The following SRPK2 variants were observed in gnomAD, a reference collection of about 807,000 sequenced individuals.
The protein encoded by SRPK2 is SFRS protein kinase 2.
SRPK2 carries 21 observed loss-of-function variants against 90.8 expected under a neutral mutation model. That is an observed-to-expected ratio of 0.23 (90% CI 0.16 to 0.33). The LOEUF is 0.33. Ranked by LOEUF, SRPK2 falls within the 10% of genes least tolerant of loss-of-function variation. The pLI, the probability that SRPK2 is intolerant of heterozygous loss-of-function variation, is 1.00. For missense variants in SRPK2, 620 were observed against 869.0 expected, an observed-to-expected ratio of 0.71 and a Z score of 3.60; for synonymous variants, 288 against 311.1, an observed-to-expected ratio of 0.93 and a Z score of 0.78.
intron 2 of SRPK2, among the ~76,000 whole-genome samples, chr7:105,350,811 T>C (rs1460540735): frequency 6.6e-6 from 1 of 152,136 alleles, no homozygotes. Context: ...ATTTTACAAA[T>C]GAGAAAACTG....
upstream of SRPK2, among the ~76,000 whole-genome samples, chr7:105,389,664 A>T (rs1822092203): frequency 6.6e-6 from 1 of 152,242 alleles, no homozygotes; most frequent in South Asian, 2.1e-4. Context: ...GAGGAAACTG[A>T]GTCCCAACGA....
intron 15 of SRPK2, among the ~76,000 whole-genome samples, chr7:105,125,038 G>A (rs1800976508): frequency 6.7e-6 from 1 of 148,890 alleles, no homozygotes; most frequent in Admixed American, 6.8e-5. Context: ...GCTGCGGCAG[G>A]AGAATTGCTT....
At chr7:105,358,146 C>A (rs1411629597) in intron 2 of SRPK2, among the ~76,000 whole-genome samples, 3 of 151,262 alleles carry the variant, frequency 2.0e-5, no homozygotes, top group Non-Finnish European at 4.4e-5. Context: ...ATCGCTTGAA[C>A]CCGGGAGGCG....
intron 15 of SRPK2, among the ~76,000 whole-genome samples, chr7:105,122,802 TAC>T (rs764278028): frequency 2.6e-5 from 4 of 151,888 alleles, no homozygotes; most frequent in African/African-American, 4.8e-5. Context: ...CACACACACA[TAC>T]ACACACGCGC....
At chr7:105,392,140 A>G (rs183760073), upstream of SRPK2, among the ~76,000 whole-genome samples, 1 of 152,356 alleles carries the variant, frequency 6.6e-6, no homozygotes, top group Non-Finnish European at 1.5e-5. Context: ...TATATGAGAT[A>G]TCCAGAATAG....
At chr7:105,319,946 C>T (rs533398094) in intron 2 of SRPK2, among the ~76,000 whole-genome samples, 6 of 151,704 alleles carry the variant, frequency 4.0e-5, no homozygotes, top group East Asian at 1.9e-4. Context: ...TGGGGCTGCC[C>T]GACTCGCGAA....
chr7:105,188,590 TG>T (rs1274968204), intron 3 of SRPK2, among the ~76,000 whole-genome samples: 1 of 152,224 alleles, frequency 6.6e-6, no homozygotes, highest in African/African-American at 2.4e-5. Flanking sequence ...CAACAAAATC[TG>T]GAACTCCATT....
At chr7:105,256,231 TGCTATA>T (rs2129633474) in intron 2 of SRPK2, among the ~76,000 whole-genome samples, 1 of 152,342 alleles carries the variant, frequency 6.6e-6, no homozygotes, top group South Asian at 2.1e-4. Flanking sequence ...AGAATCAATG[TGCTATA>T]GCACAGAAGA....
intron 15 of SRPK2, among the ~76,000 whole-genome samples, chr7:105,124,335 G>A (rs1412800036): frequency 6.6e-6 from 1 of 152,116 alleles, no homozygotes; most frequent in Non-Finnish European, 1.5e-5. Context: ...ACAGACAGAC[G>A]ATTAACAAAG....
At chr7:105,228,596 G>A (rs763293462) in intron 2 of SRPK2, among the ~76,000 whole-genome samples, 1 of 152,140 alleles carries the variant, frequency 6.6e-6, no homozygotes, top group Non-Finnish European at 1.5e-5. Context: ...ACACACCACC[G>A]TCCGCAGACA....
At chr7:105,313,744 CTG>C (rs756237895) in intron 2 of SRPK2, among the ~76,000 whole-genome samples, 1 of 151,958 alleles carries the variant, frequency 6.6e-6, no homozygotes, top group East Asian at 1.9e-4. Context: ...GAGCGAGACT[CTG>C]TCTCAAAAAA....
At chr7:105,296,924 G>A (rs1170573989) in intron 2 of SRPK2, among the ~76,000 whole-genome samples, 4 of 152,164 alleles carry the variant, frequency 2.6e-5, no homozygotes, top group African/African-American at 9.7e-5. Context: ...GGTAAAGCTG[G>A]AAAACAAATC....
At chr7:105,274,122 T>C (rs1444005075) in intron 2 of SRPK2, among the ~76,000 whole-genome samples, 4 of 152,182 alleles carry the variant, frequency 2.6e-5, no homozygotes, top group Non-Finnish European at 4.4e-5. Flanking sequence ...AATAGTCCCA[T>C]AGGCTGTTCT....
chr7:105,124,780 A>G (rs1295241295), intron 15 of SRPK2, among the ~76,000 whole-genome samples: 1 of 151,896 alleles, frequency 6.6e-6, no homozygotes, highest in East Asian at 1.9e-4. Flanking sequence ...AAGGGCTGTC[A>G]CATCCAAAAA....
At chr7:105,358,165 A>G (rs1202492845) in intron 2 of SRPK2, among the ~76,000 whole-genome samples, 1 of 139,248 alleles carries the variant, frequency 7.2e-6, no homozygotes, top group African/African-American at 2.6e-5. Flanking sequence ...CGAAGGTTGC[A>G]GTGAGACGAG....
rs34445430 is a variant in SRPK2, at chr7:105,375,983, C to CTTTTTTTTTTTTTT, written c.71+12651_71+12664dup. 3.2e-5 allele frequency among the ~76,000 whole-genome samples: 2 copies of CTTTTTTTTTTTTTT among 63,144 alleles called. 1 individual carries two copies. Among genetic ancestry groups the CTTTTTTTTTTTTTT allele is most frequent in the Non-Finnish European group, 5.6e-5 (2 of 35,854 alleles). 41.4% of individuals were successfully genotyped at this position (63,144 alleles called of 152,430 possible). On this transcript the variant is annotated intron_variant, in intron 2 of 15. Transcript: ENST00000393651. ...TGGGCAACGTAATGAGAATTCATTTCTTTTTTTTTTTTTTTTTTTTTTTTT... is the reference window on the plus strand; with the variant it reads ...TGGGCAACGTAATGAGAATTCATTTCTTTTTTTTTTTTTTTTTTTTTTTTTTTTTTTTTTTTTTT...
intron 2 of SRPK2, chr7:105,301,713 C>T (rs1054336375): frequency 2.4e-5 from 38 of 1,609,988 alleles, no homozygotes; most frequent in South Asian, 1.6e-4. Flanking sequence ...TATCTATGAA[C>T]GCTTTTTTTT....
intron 3 of SRPK2, among the ~76,000 whole-genome samples, chr7:105,174,095 A>C (rs1791522336): frequency 6.6e-6 from 1 of 151,664 alleles, no homozygotes; most frequent in African/African-American, 2.4e-5. Flanking sequence ...AAAAAAAAAA[A>C]AACTCTTATC....
chr7:105,244,545 G>C, intron 2 of SRPK2: 1 of 547,442 alleles, frequency 1.8e-6, no homozygotes, highest in Admixed American at 3.0e-5. Context: ...CTGCACTCCC[G>C]CCTGGGCGAC....
Sources: allele counts gnomAD v4.1 joint callset (sites outside exome capture counted in the v4.1 genomes callset), GRCh38; gene constraint gnomAD v4.1.1; transcripts MANE v1.5; gene names NCBI Gene and HGNC (gene_info 2026-07-23, HGNC 2026-07-21).